The following ARB2A variants were observed in gnomAD, a reference collection of about 807,000 sequenced individuals.
The protein encoded by ARB2A is ARB2 cotranscriptional regulator A.
chr5:94,005,048 A>G, the ARB2A span, among the ~76,000 whole-genome samples: 1,086 of 8,694 alleles, frequency 0.12, 9 homozygotes, highest in South Asian at 0.28. Context: ...CAAAAATGCA[A>G]AACAAAAAAA....
the ARB2A span, among the ~76,000 whole-genome samples, chr5:93,768,219 G>A: frequency 1.3e-5 from 2 of 151,284 alleles, no homozygotes; most frequent in Non-Finnish European, 2.9e-5. Context: ...AGTGGTGCAA[G>A]GGATAAAATA....
the ARB2A span, among the ~76,000 whole-genome samples, chr5:93,686,246 G>C: frequency 6.6e-6 from 1 of 152,144 alleles, no homozygotes; most frequent in South Asian, 2.1e-4. Flanking sequence ...GGTGAAAGAA[G>C]TCTCAGATAT....
the ARB2A span, chr5:93,683,159 T>C: frequency 2.2e-6 from 3 of 1,391,516 alleles, no homozygotes; most frequent in South Asian, 3.5e-5. Flanking sequence ...CGCTTTTTCT[T>C]CAGCTTCCTC....
the ARB2A span, among the ~76,000 whole-genome samples, chr5:93,793,925 A>T: frequency 6.6e-6 from 1 of 152,102 alleles, no homozygotes; most frequent in Non-Finnish European, 1.5e-5. Context: ...CTTGGCCTTT[A>T]ATCTACCACA....
chr5:93,890,492 A>G, the ARB2A span, among the ~76,000 whole-genome samples: 2 of 152,004 alleles, frequency 1.3e-5, no homozygotes, highest in Non-Finnish European at 2.9e-5. Context: ...CACAATGATT[A>G]GGTAATCCTA....
the ARB2A span, among the ~76,000 whole-genome samples, chr5:93,760,449 G>A: frequency 6.6e-6 from 1 of 152,078 alleles, no homozygotes. Context: ...GCCAAAGCAA[G>A]ACTAAGCAAA....
At chr5:93,909,877 AAG>A in the ARB2A span, among the ~76,000 whole-genome samples, 1 of 150,980 alleles carries the variant, frequency 6.6e-6, no homozygotes, top group African/African-American at 2.4e-5. Flanking sequence ...TTTGCAGAGA[AAG>A]ATAATTATCT....
At chr5:93,866,083 G>C in the ARB2A span, 1 of 983,872 alleles carries the variant, frequency 1.0e-6, no homozygotes, top group East Asian at 1.1e-4. Flanking sequence ...CAAATTCAGA[G>C]ATGTTAAAAT....
At chr5:94,024,560 G>T in the ARB2A span, among the ~76,000 whole-genome samples, 1 of 151,730 alleles carries the variant, frequency 6.6e-6, no homozygotes, top group African/African-American at 2.4e-5. Flanking sequence ...TCCCTCCCCA[G>T]CCCGCCACCC....
At chr5:93,707,663 C>A in the ARB2A span, among the ~76,000 whole-genome samples, 13 of 151,350 alleles carry the variant, frequency 8.6e-5, 1 homozygote, top group South Asian at 1.7e-3. Flanking sequence ...CAACCTCTGC[C>A]TCCTGGGTTT....
At chr5:93,782,900 T>C in the ARB2A span, among the ~76,000 whole-genome samples, 1 of 152,120 alleles carries the variant, frequency 6.6e-6, no homozygotes, top group African/African-American at 2.4e-5. Flanking sequence ...ACTAGGGCAT[T>C]TATAAAATTT....
At chr5:93,889,442 T>C in the ARB2A span, among the ~76,000 whole-genome samples, 1 of 151,842 alleles carries the variant, frequency 6.6e-6, no homozygotes, top group South Asian at 2.1e-4. Context: ...TGTCAGAAGA[T>C]CTTCTCATAC....
chr5:93,868,732 G>GA, the ARB2A span, among the ~76,000 whole-genome samples: 2 of 151,950 alleles, frequency 1.3e-5, no homozygotes, highest in Non-Finnish European at 2.9e-5. Context: ...CACTTGAGGA[G>GA]AAAAAAAATG....
the ARB2A span, among the ~76,000 whole-genome samples, chr5:93,676,841 A>T: frequency 2.0e-5 from 3 of 152,216 alleles, no homozygotes; most frequent in Admixed American, 6.5e-5. Context: ...AGTGCCTCAC[A>T]GAGGGCCTCA....
chr5:93,843,962 A>ATAGAAAGGT, the ARB2A span, among the ~76,000 whole-genome samples: 24 of 152,168 alleles, frequency 1.6e-4, no homozygotes, highest in African/African-American at 5.8e-4. Flanking sequence ...TAATGAATGA[A>ATAGAAAGGT]ATATATATGT....
At chr5:93,805,044 T>C in the ARB2A span, 2 of 962,104 alleles carry the variant, frequency 2.1e-6, no homozygotes, top group Admixed American at 6.2e-5. Flanking sequence ...TATGAGGGGA[T>C]GCATTTTAAT....
At chr5:93,868,512 A>T in the ARB2A span, among the ~76,000 whole-genome samples, 1 of 152,224 alleles carries the variant, frequency 6.6e-6, no homozygotes, top group Non-Finnish European at 1.5e-5. Flanking sequence ...AGTGAAGAGC[A>T]ATATGCTGAT....
the ARB2A span, among the ~76,000 whole-genome samples, chr5:93,758,195 T>G: frequency 6.6e-6 from 1 of 152,030 alleles, no homozygotes; most frequent in African/African-American, 2.4e-5. Context: ...CAGGAAAATA[T>G]CACAATCCTA....
chr5:94,074,034 A>G, the ARB2A span, among the ~76,000 whole-genome samples: 1 of 152,188 alleles, frequency 6.6e-6, no homozygotes, highest in Middle Eastern at 3.4e-3. Context: ...ATTTTACTAA[A>G]AATTACTTTT....
Sources: allele counts gnomAD v4.1 joint callset (sites outside exome capture counted in the v4.1 genomes callset), GRCh38; gene constraint gnomAD v4.1.1; transcripts MANE v1.5; gene names NCBI Gene and HGNC (gene_info 2026-07-23, HGNC 2026-07-21).